LRRC1: variants seen among roughly 807,000 people sequenced by gnomAD.
LRRC1 encodes the protein leucine rich repeat containing 1.
In LRRC1, 28 loss-of-function variants were observed where a neutral mutation model predicts 69.9. The ratio of observed to expected loss-of-function variants is 0.40; its 90% CI spans 0.30 to 0.55. LRRC1 has a LOEUF of 0.55. Among genes scored for constraint, LRRC1 ranks in the 20% least tolerant of loss-of-function variants. The pLI is 0.47. For synonymous variants in LRRC1, 236 were observed against 240.2 expected (o/e 0.98, Z 0.16); for missense variants, 498 against 609.0 (o/e 0.82, Z 1.92).
intron 1 of LRRC1, among the ~76,000 whole-genome samples, chr6:53,840,228 A>G (rs1015502284): frequency 1.3e-5 from 2 of 152,204 alleles, no homozygotes; most frequent in Middle Eastern, 3.2e-3. Context: ...TTCTGTAATC[A>G]TACTTAATTG....
Position 53,922,772 on chromosome 6 carries a change from C to T in LRRC1, c.1554C>T (p.Asp518=). 1.2e-6 allele frequency: 2 copies of T among 1,613,920 alleles called. No homozygotes were observed. Among genetic ancestry groups the T allele is most frequent in the Non-Finnish European group, 1.7e-6 (2 of 1,179,866 alleles). ...SNKNEVNHAI[D]RVTTSV ...AAAACGAGGTCAATCATGCCATTGA[C>T]CGAGTGACCACTTCTGTGTAGAGTT... Residue 518 remains aspartate, a synonymous_variant, in exon 14 of 14, where the codon GAC becomes GAT. Transcript: ENST00000370888.
intron 1 of LRRC1, among the ~76,000 whole-genome samples, chr6:53,820,729 T>C (rs905694014): frequency 6.6e-6 from 1 of 152,162 alleles, no homozygotes; most frequent in South Asian, 2.1e-4. Flanking sequence ...ATGTAATATA[T>C]GTAATAAGAT....
At chr6:53,912,946 TTG>T (rs1345330789) in intron 10 of LRRC1, among the ~76,000 whole-genome samples, 1 of 152,214 alleles carries the variant, frequency 6.6e-6, no homozygotes, top group African/African-American at 2.4e-5. Context: ...CTGCAGAATG[TTG>T]TGTCTGGGAT....
At chr6:53,894,840 G>A (rs1178476191) in intron 4 of LRRC1, among the ~76,000 whole-genome samples, 1 of 152,052 alleles carries the variant, frequency 6.6e-6, no homozygotes, top group Non-Finnish European at 1.5e-5. Flanking sequence ...AGAGAAAGTA[G>A]AACTAGAGAA....
chr6:53,907,326 T>G (rs1768273880), intron 10 of LRRC1, among the ~76,000 whole-genome samples: 1 of 152,216 alleles, frequency 6.6e-6, no homozygotes, highest in Non-Finnish European at 1.5e-5. Flanking sequence ...TGCTGTGTAG[T>G]TCTTCCTATA....
intron 4 of LRRC1, among the ~76,000 whole-genome samples, chr6:53,884,443 G>T (rs1455773296): frequency 6.6e-6 from 1 of 152,166 alleles, no homozygotes; most frequent in Non-Finnish European, 1.5e-5. Flanking sequence ...GAAGGTTGAG[G>T]CTGCAGTGAG....
chr6:53,904,001 G>C (rs1768151378), intron 9 of LRRC1, among the ~76,000 whole-genome samples: 2 of 152,168 alleles, frequency 1.3e-5, no homozygotes, highest in Admixed American at 6.5e-5. Context: ...CCAGTGCTCT[G>C]GCTTCCACGG....
rs1416138394 is a variant in LRRC1 at position 53,882,906 on chromosome 6, G to A, written c.376G>A (p.Glu126Lys). 1 of 1,606,822 alleles carries A rather than the reference G, an allele frequency of 6.2e-7. No homozygotes were observed. The highest frequency in any genetic ancestry group is 8.5e-7 in the Non-Finnish European group (1 of 1,177,870). ...PLTRLPESFPELQNLTCLSVN... is the reference protein window; with the variant it reads ...PLTRLPESFPKLQNLTCLSVN... ...TTTTAGGTTGCCAGAAAGCTTTCCT[G>A]AATTACAGAATTTAACATGTCTTTC... The change falls in exon 4 of 14, where the codon GAA becomes AAA. Residue 126 changes from glutamate (E) to lysine (K), a missense_variant. Glu to Lys is a moderately conservative substitution (Grantham distance 56, BLOSUM62 1). Coordinates refer to ENST00000370888, the MANE Select transcript of LRRC1 (RefSeq NM_018214.5).
intron 2 of LRRC1, among the ~76,000 whole-genome samples, chr6:53,846,099 C>T (rs114545367): frequency 3.9e-5 from 6 of 152,288 alleles, no homozygotes; most frequent in African/African-American, 7.2e-5. Context: ...CCAGGTTTTG[C>T]GTTTCTCTTT....
intron 1 of LRRC1, among the ~76,000 whole-genome samples, chr6:53,818,187 C>A (rs950885306): frequency 6.6e-6 from 1 of 152,164 alleles, no homozygotes; most frequent in Non-Finnish European, 1.5e-5. Flanking sequence ...CACAGGCTAT[C>A]TTTTAAAAAA....
intron 4 of LRRC1, 52 bp downstream of exon 4, chr6:53,883,028 C>T (rs749180842): frequency 1.3e-5 from 15 of 1,119,304 alleles, no homozygotes; most frequent in Non-Finnish European, 1.9e-5. Context: ...GGGTTTATAT[C>T]ATCAGCTCTA....
At chr6:53,865,538 G>C (rs73430293) in intron 2 of LRRC1, among the ~76,000 whole-genome samples, 2,560 of 152,174 alleles carry the variant, frequency 0.017, 99 homozygotes, top group African/African-American at 0.059. Flanking sequence ...AGTTCGTGGA[G>C]TAGTTTTATT....
At chr6:53,868,748 A>G (rs1766789130) in intron 2 of LRRC1, among the ~76,000 whole-genome samples, 2 of 152,182 alleles carry the variant, frequency 1.3e-5, no homozygotes, top group Admixed American at 1.3e-4. Flanking sequence ...GTAATCTGCT[A>G]TCAAGAGATC....
chr6:53,866,806 T>G (rs936098253), intron 2 of LRRC1, among the ~76,000 whole-genome samples: 1 of 152,166 alleles, frequency 6.6e-6, no homozygotes, highest in African/African-American at 2.4e-5. Flanking sequence ...GTTACTTTGA[T>G]TTTTTAAATT....
intron 1 of LRRC1, among the ~76,000 whole-genome samples, chr6:53,803,853 C>G (rs1056707623): frequency 6.6e-6 from 1 of 152,170 alleles, no homozygotes; most frequent in Non-Finnish European, 1.5e-5. Context: ...GGAGAGGACT[C>G]TGTCCATCTG....
chr6:53,854,817 T>C (rs1382647727), intron 2 of LRRC1, among the ~76,000 whole-genome samples: 1 of 152,258 alleles, frequency 6.6e-6, no homozygotes, highest in Non-Finnish European at 1.5e-5. Flanking sequence ...TATTCCTATC[T>C]TGCTTTTTAT....
intron 4 of LRRC1, among the ~76,000 whole-genome samples, chr6:53,893,234 A>G (rs1034122068): frequency 2.0e-5 from 3 of 152,218 alleles, no homozygotes; most frequent in Non-Finnish European, 4.4e-5. Flanking sequence ...TCTAATTGCC[A>G]TAATAGATAT....
At position 53,897,696 on chromosome 6, in the gene LRRC1, C is replaced by T. The variant is rs77842728; in HGVS notation, c.642+337C>T. 3.3e-3 allele frequency among the ~76,000 whole-genome samples: 501 copies of T among 152,246 alleles called. 7 individuals are homozygous for T. In the East Asian group the frequency reaches 0.041, roughly 12 times the overall value. ...CCATGATTCTGATGGTATACCTTTCCGCCACTCCATGATGTGCCAAGTGCT... is the reference window on the plus strand; with the variant it reads ...CCATGATTCTGATGGTATACCTTTCTGCCACTCCATGATGTGCCAAGTGCT... On this transcript the variant is annotated intron_variant, in intron 7 of 13. Transcript: ENST00000370888.
At chr6:53,856,612 T>C (rs968515278) in intron 2 of LRRC1, among the ~76,000 whole-genome samples, 1 of 151,960 alleles carries the variant, frequency 6.6e-6, no homozygotes, top group Non-Finnish European at 1.5e-5. Context: ...CATGATGAAT[T>C]TGGGGAAATG....
Sources: gnomAD v4.1 joint callset for allele counts (sites outside exome capture counted in the v4.1 genomes callset) on GRCh38, gnomAD v4.1.1 for gene constraint, MANE v1.5 for transcripts, NCBI Gene and HGNC (gene_info 2026-07-23, HGNC 2026-07-21) for gene names.